SNTG2: variants seen among roughly 807,000 people sequenced by gnomAD.
The protein encoded by SNTG2 is syntrophin gamma 2.
In SNTG2, 74 loss-of-function variants were observed where a neutral mutation model predicts 70.9. That is an observed-to-expected ratio of 1.04 (90% CI 0.86 to 1.27). The LOEUF is 1.27. Ranked by LOEUF, SNTG2 falls within the 50% of genes most tolerant of loss-of-function variation. The pLI, the probability that SNTG2 is intolerant of heterozygous loss-of-function variation, is 0.00. For synonymous variants in SNTG2, 278 were observed against 273.8 expected (o/e 1.02, Z -0.15); for missense variants, 717 against 690.7 (o/e 1.04, Z -0.43).
At chr2:1,056,322 G>A (rs59044878) in intron 1 of SNTG2, among the ~76,000 whole-genome samples, 1 of 21,896 alleles carries the variant, frequency 4.6e-5, no homozygotes, top group African/African-American at 2.9e-4. Flanking sequence ...AGGCCGCGCC[G>A]TGCTGTGGGG....
At chr2:1,177,179 G>A (rs1041989574) in intron 8 of SNTG2, among the ~76,000 whole-genome samples, 3 of 152,176 alleles carry the variant, frequency 2.0e-5, no homozygotes, top group Admixed American at 6.5e-5. Flanking sequence ...GTCCTTTGCA[G>A]GGACATGGAT....
intron 12 of SNTG2, among the ~76,000 whole-genome samples, chr2:1,255,591 T>A (rs13015138): frequency 2.6e-5 from 4 of 151,570 alleles, no homozygotes; most frequent in African/African-American, 9.7e-5. Flanking sequence ...CCAAACTTGC[T>A]AAATCTGAAC....
intron 1 of SNTG2, among the ~76,000 whole-genome samples, chr2:965,620 G>A (rs963993510): frequency 2.0e-5 from 3 of 151,722 alleles, no homozygotes; most frequent in African/African-American, 2.4e-5. Context: ...GGTCCTCCTC[G>A]TCCTTTGGGC....
chr2:1,173,398 G>A (rs1320719763), intron 8 of SNTG2, among the ~76,000 whole-genome samples: 1 of 152,160 alleles, frequency 6.6e-6, no homozygotes, highest in Admixed American at 6.5e-5. Flanking sequence ...GATATTTTAA[G>A]TTCATAATTC....
chr2:1,076,566 C>T (rs1326202520), intron 1 of SNTG2, among the ~76,000 whole-genome samples: 1 of 152,184 alleles, frequency 6.6e-6, no homozygotes, highest in Non-Finnish European at 1.5e-5. Context: ...CAAGTATATT[C>T]TGTTTTAGAA....
intron 1 of SNTG2, among the ~76,000 whole-genome samples, chr2:1,015,349 TTAAAA>T (rs1327030573): frequency 2.6e-5 from 4 of 152,192 alleles, no homozygotes; most frequent in Non-Finnish European, 5.9e-5. Flanking sequence ...TTTGGCCACA[TTAAAA>T]TAAAATATCC....
chr2:1,044,246 A>G (rs544769669), intron 1 of SNTG2, among the ~76,000 whole-genome samples: 5 of 152,170 alleles, frequency 3.3e-5, no homozygotes, highest in African/African-American at 1.2e-4. Context: ...AATTTTGCAC[A>G]TTGATTTTGT....
intron 14 of SNTG2, among the ~76,000 whole-genome samples, chr2:1,268,077 A>G (rs1678843124): frequency 6.6e-6 from 1 of 152,226 alleles, no homozygotes. Flanking sequence ...AACAGCAAAT[A>G]CATCACTCAC....
chr2:1,272,932 C>G (rs1284337251), intron 14 of SNTG2, among the ~76,000 whole-genome samples: 2 of 152,214 alleles, frequency 1.3e-5, no homozygotes, highest in Non-Finnish European at 2.9e-5. Context: ...TCAAATTCAG[C>G]TTTCTCCTTT....
chr2:1,181,320 CTG>C (rs1321614346), intron 8 of SNTG2, among the ~76,000 whole-genome samples: 1 of 152,108 alleles, frequency 6.6e-6, no homozygotes, highest in Non-Finnish European at 1.5e-5. Flanking sequence ...TGTCTATGGA[CTG>C]GAGAATAAAA....
chr2:1,180,818 C>G (rs1671833047), intron 8 of SNTG2, among the ~76,000 whole-genome samples: 1 of 151,912 alleles, frequency 6.6e-6, no homozygotes, highest in Admixed American at 6.6e-5. Context: ...GGAACCAACC[C>G]AAATGTCCAA....
intron 7 of SNTG2, among the ~76,000 whole-genome samples, chr2:1,169,684 CAT>C (rs1670993505): frequency 6.6e-6 from 1 of 152,160 alleles, no homozygotes; most frequent in Non-Finnish European, 1.5e-5. Flanking sequence ...TTGCCAGTCA[CAT>C]AGTGACTTCA....
intron 1 of SNTG2, among the ~76,000 whole-genome samples, chr2:975,836 A>G (rs1482759120): frequency 1.4e-4 from 21 of 152,234 alleles, no homozygotes; most frequent in Non-Finnish European, 4.4e-5. Context: ...TTATTCCCCA[A>G]GATCTCTTTC....
In SNTG2 at chr2:1,353,261, G is replaced by A. The variant is rs1660678379; in HGVS notation, c.1489-14082G>A. Reference sequence around the variant, plus strand: ...CCGCCCACAGAAACAGTGGGCGGAAGGAGCACGACCTGAGCTCCAGGGTGT... The same window carrying A: ...CCGCCCACAGAAACAGTGGGCGGAAAGAGCACGACCTGAGCTCCAGGGTGT... On this transcript the variant is annotated intron_variant, in intron 16 of 16. Transcript: ENST00000308624. This position sits in a 1 kb window ranked among gnomAD's most constrained non-coding sequence, Gnocchi z 4.2. Among the ~76,000 whole-genome samples, 1 of 152,152 alleles carries A rather than the reference G, an allele frequency of 6.6e-6. No homozygotes were observed. Among genetic ancestry groups the A allele is most frequent in the Non-Finnish European group, 1.5e-5 (1 of 68,026 alleles).
chr2:1,288,736 A>G lies in SNTG2; in HGVS notation c.1285-19758A>G, dbSNP rs1270999564. Among the ~76,000 whole-genome samples, 2 of 152,216 alleles carry G rather than the reference A, an allele frequency of 1.3e-5. 1 individual carries two copies. On this transcript the variant is annotated intron_variant, in intron 14 of 16. Coordinates refer to ENST00000308624, the MANE Select transcript of SNTG2 (RefSeq NM_018968.4). ...CATGCAGACCAAGGAAAATGTGTGT[A>G]AACATGACACACCTCACACACATGT... is the stretch of plus-strand genomic sequence containing the variant.
At chr2:1,202,328 G>C (rs1473654047) in intron 8 of SNTG2, among the ~76,000 whole-genome samples, 1 of 152,090 alleles carries the variant, frequency 6.6e-6, no homozygotes, top group East Asian at 1.9e-4. Context: ...TTTTATATTT[G>C]TGAAGTGAGG....
chr2:1,320,481 G>A (rs530593070), intron 16 of SNTG2, among the ~76,000 whole-genome samples: 1 of 145,728 alleles, frequency 6.9e-6, no homozygotes, highest in South Asian at 2.2e-4. Flanking sequence ...ACAGTGAGCC[G>A]AGATCATCGC....
intron 13 of SNTG2, 42 bp downstream of exon 13, chr2:1,259,483 A>G (rs374015008): frequency 2.0e-6 from 3 of 1,520,206 alleles, no homozygotes; most frequent in African/African-American, 1.4e-5. Context: ...TACAAATAAG[A>G]TGCCCTTTGG....
chr2:1,028,015 C>T (rs1660584468), intron 1 of SNTG2, among the ~76,000 whole-genome samples: 1 of 151,872 alleles, frequency 6.6e-6, no homozygotes. Flanking sequence ...AGACACTACC[C>T]AGCAAGTAAC....
Sources: allele counts gnomAD v4.1 joint callset (sites outside exome capture counted in the v4.1 genomes callset), GRCh38; gene constraint gnomAD v4.1.1; non-coding constraint Gnocchi (gnomAD v3.1); transcripts MANE v1.5; gene names NCBI Gene and HGNC (gene_info 2026-07-23, HGNC 2026-07-21).